ATP2C1: variants seen among roughly 807,000 people sequenced by gnomAD.
The protein encoded by ATP2C1 is ATPase secretory pathway Ca2+ transporting 1, also known as calcium-transporting ATPase type 2C member 1.
Under a neutral mutation model 120.5 loss-of-function variants are expected in ATP2C1, and 31 were observed. That is an observed-to-expected ratio of 0.26 (90% confidence interval 0.19 to 0.35). The LOEUF (loss-of-function observed/expected upper bound fraction) is 0.35, where lower values mean the gene tolerates loss of function less well. Among genes scored for constraint, ATP2C1 ranks in the 10% least tolerant of loss-of-function variants. The pLI, the probability that ATP2C1 is intolerant of heterozygous loss-of-function variation, is 1.00. For missense variants in ATP2C1, 731 were observed against 1,107.5 expected, an observed-to-expected ratio of 0.66 and a Z score of 4.83; for synonymous variants, 351 against 358.7, an observed-to-expected ratio of 0.98 and a Z score of 0.24.
At chr3:131,005,142 G>T (rs1294019548), downstream of ATP2C1, among the ~76,000 whole-genome samples, 3 of 144,908 alleles carry the variant, frequency 2.1e-5, no homozygotes, top group Non-Finnish European at 4.5e-5. Context: ...TTGAGGCAGG[G>T]TCTCACTCTG....
chr3:130,882,862 T>C lies in ATP2C1; in HGVS notation c.108+31934T>C, dbSNP rs1252559801. On this transcript the variant is annotated intron_variant, in intron 1 of 26. Transcript: ENST00000504381. The stretch of plus-strand genomic sequence containing the variant: ...TTGTATCAGGGTAACACTTGCCTCG[T>C]AGAATGAGTTTGGAAGTATTCCCTC... 2.0e-5 allele frequency among the ~76,000 whole-genome samples: 3 copies of C among 152,244 alleles called. No individual in the cohort carries two copies. The East Asian group carries it at 5.8e-4, about 29-fold the overall frequency.
chr3:130,917,910 C>T lies in ATP2C1; in HGVS notation c.7-12506C>T, dbSNP rs111913368. 7.6e-3 allele frequency among the ~76,000 whole-genome samples: 1,154 copies of T among 151,108 alleles called. 18 individuals carry two copies. Among genetic ancestry groups the T allele is most frequent in the African/African-American group, 0.027 (1,099 of 41,128 alleles). On this transcript the variant is annotated intron_variant, in intron 2 of 27. Transcript: ENST00000510168. ...TATGCAGTCATTTGTCTTTTTGTGA[C>T]TGGCTTATTTCACTTAGCATGGTGT... is the stretch of plus-strand genomic sequence containing the variant.
intron 26 of ATP2C1, chr3:131,014,255 A>C: frequency 6.2e-7 from 1 of 1,613,942 alleles, no homozygotes; most frequent in Non-Finnish European, 8.5e-7. Context: ...CAGCGGGGGC[A>C]TATGACCTTG....
At chr3:130,903,992 G>A (rs1269790950) in intron 2 of ATP2C1, among the ~76,000 whole-genome samples, 1 of 151,950 alleles carries the variant, frequency 6.6e-6, no homozygotes, top group African/African-American at 2.4e-5. Flanking sequence ...TCTTCCCAGA[G>A]TGGCAGTATA....
At chr3:130,852,468 A>G (rs759006745) in intron 1 of ATP2C1, among the ~76,000 whole-genome samples, 1 of 152,200 alleles carries the variant, frequency 6.6e-6, no homozygotes, top group Non-Finnish European at 1.5e-5. Flanking sequence ...AGAATTTAAC[A>G]TAAAACCTCT....
chr3:130,972,526 G>T (rs1355300923), intron 17 of ATP2C1, among the ~76,000 whole-genome samples: 1 of 149,836 alleles, frequency 6.7e-6, no homozygotes, highest in Non-Finnish European at 1.5e-5. Context: ...ACAATGTGCC[G>T]GTTAGTTACA....
upstream of ATP2C1, among the ~76,000 whole-genome samples, chr3:130,892,707 C>G (rs2069225583): frequency 1.4e-5 from 2 of 147,408 alleles, no homozygotes; most frequent in South Asian, 4.3e-4. Flanking sequence ...TCATAGTTAA[C>G]TCGTTAAGAC....
intron 8 of ATP2C1, among the ~76,000 whole-genome samples, chr3:130,952,570 A>G (rs989558727): frequency 1.3e-5 from 2 of 152,180 alleles, no homozygotes; most frequent in East Asian, 3.9e-4. Context: ...GAAAGGCCTG[A>G]TTGAGAATAC....
intron 1 of ATP2C1, among the ~76,000 whole-genome samples, chr3:130,851,959 G>A (rs185090909): frequency 2.6e-5 from 4 of 152,252 alleles, no homozygotes; most frequent in South Asian, 4.1e-4. Flanking sequence ...TCTCATGACA[G>A]GTTTCCCAAA....
intron 1 of ATP2C1, among the ~76,000 whole-genome samples, chr3:130,859,804 A>G (rs900704128): frequency 1.3e-5 from 2 of 152,236 alleles, no homozygotes; most frequent in Admixed American, 1.3e-4. Context: ...GAGTCAGTAA[A>G]TGGATGAATA....
intron 17 of ATP2C1, among the ~76,000 whole-genome samples, chr3:130,971,620 T>C (rs1234686163): frequency 6.6e-6 from 1 of 152,098 alleles, no homozygotes; most frequent in Non-Finnish European, 1.5e-5. Flanking sequence ...TCAGAAAGTA[T>C]AGGGAAGATT....
chr3:130,898,444 A>G (rs780022584), intron 2 of ATP2C1, among the ~76,000 whole-genome samples: 1 of 152,188 alleles, frequency 6.6e-6, no homozygotes, highest in Non-Finnish European at 1.5e-5. Flanking sequence ...TTAACTGAAA[A>G]TAGGAAACCA....
At chr3:130,971,929 A>G (rs1338850353) in intron 17 of ATP2C1, among the ~76,000 whole-genome samples, 1 of 152,208 alleles carries the variant, frequency 6.6e-6, no homozygotes, top group Non-Finnish European at 1.5e-5. Context: ...GAAGGCTGGC[A>G]TCTCCCTACT....
chr3:130,894,149 T>TCCCCC lies in ATP2C1; in HGVS notation c.-365_-364insCCCCC. The TCCCCC allele has an allele frequency of 1.4e-6, 1 of 694,858 alleles. No individual in the cohort carries two copies. Among genetic ancestry groups the TCCCCC allele is most frequent in the Non-Finnish European group, 1.8e-6 (1 of 565,212 alleles). The allele number at this position is 694,858 out of a possible 1,614,324, so 43.0% of individuals were successfully genotyped here. On this transcript the variant is annotated 5_prime_UTR_variant, in exon 1 of 28. Coordinates refer to ENST00000510168, the MANE Select transcript of ATP2C1 (RefSeq NM_001378687.1). This position sits in a 1 kb window ranked among gnomAD's most constrained non-coding sequence, Gnocchi z 4.5. ...ACGGGTCCCCTCACCTCCTCTTCTC[T>TCCCCC]CCCCTCCCCGCCCGCCCTCTCTCCC...
intron 11 of ATP2C1, 149 bp downstream of exon 11, chr3:130,956,328 GTTCAT>G (rs2060577794): frequency 1.3e-5 from 6 of 469,732 alleles, no homozygotes; most frequent in African/African-American, 6.0e-5. Flanking sequence ...AGTAGCCATT[GTTCAT>G]TTCAACAAAG....
intron 20 of ATP2C1, among the ~76,000 whole-genome samples, chr3:130,984,384 G>T (rs879779858): frequency 4.6e-5 from 7 of 152,060 alleles, no homozygotes; most frequent in Non-Finnish European, 7.4e-5. Flanking sequence ...CAACACATTT[G>T]TAAGGCCGTT....
intron 20 of ATP2C1, among the ~76,000 whole-genome samples, chr3:130,984,709 G>T (rs2061918018): frequency 6.6e-6 from 1 of 151,842 alleles, no homozygotes; most frequent in African/African-American, 2.4e-5. Context: ...AAAAACCACA[G>T]TCCCCAAAGA....
At chr3:130,953,692 G>A (rs2060465759) in intron 8 of ATP2C1, 129 bp from the exon 9 acceptor site, 1 of 958,146 alleles carries the variant, frequency 1.0e-6, no homozygotes, top group African/African-American at 1.6e-5. Context: ...TTAGAGTGAT[G>A]GTTTTGATAC....
chr3:130,997,190 T>G (rs2062665881), intron 24 of ATP2C1, among the ~76,000 whole-genome samples: 1 of 152,156 alleles, frequency 6.6e-6, no homozygotes. Context: ...TGTCATAACT[T>G]TTTTAAAAAA....
Sources: gnomAD v4.1 joint callset for allele counts (sites outside exome capture counted in the v4.1 genomes callset) on GRCh38, gnomAD v4.1.1 for gene constraint, Gnocchi (gnomAD v3.1) non-coding constraint, MANE v1.5 for transcripts, NCBI Gene and HGNC (gene_info 2026-07-23, HGNC 2026-07-21) for gene names.